FBXW11: variants seen among roughly 807,000 people sequenced by gnomAD.
The protein encoded by FBXW11 is F-box and WD repeat domain containing 11.
Under a neutral mutation model 77.6 loss-of-function variants are expected in FBXW11, and 19 were observed. The observed-to-expected ratio is 0.24, with a 90% CI of 0.17 to 0.36. The LOEUF is 0.36. Ranked by LOEUF, FBXW11 falls within the 10% of genes least tolerant of loss-of-function variation. The probability of loss-of-function intolerance (pLI) is 1.00; values close to 1 mark genes in which losing one functional copy is unlikely to be tolerated. For synonymous variants in FBXW11, 235 were observed against 249.4 expected, an observed-to-expected ratio of 0.94 and a Z score of 0.54; for missense variants, 334 against 704.2, an observed-to-expected ratio of 0.47 and a Z score of 5.95.
At chr5:171,931,347 C>G (rs1168877330) in intron 2 of FBXW11, among the ~76,000 whole-genome samples, 2 of 152,210 alleles carry the variant, frequency 1.3e-5, no homozygotes. Flanking sequence ...GAATACAGAG[C>G]TAGGTCAATG....
intron 7 of FBXW11, among the ~76,000 whole-genome samples, chr5:171,880,856 C>T (rs370131037): frequency 2.0e-5 from 3 of 152,210 alleles, no homozygotes; most frequent in South Asian, 2.1e-4. Flanking sequence ...CCACCACACC[C>T]GGCTAATTTT....
Position 171,876,226 on chromosome 5 carries a change from T to C in FBXW11, c.1221+59A>G. The C allele has an allele frequency of 6.9e-6, 11 of 1,598,444 alleles. No individual in the cohort carries two copies. The highest frequency in any genetic ancestry group is 9.4e-6 in the Non-Finnish European group (11 of 1,170,462). On this transcript the variant is annotated intron_variant, in intron 9 of 13. Transcript: ENST00000517395. This position sits in a 1 kb window ranked among gnomAD's most constrained non-coding sequence, Gnocchi z 4.2. ...CCAGGTTGGTATAAGCCACCTCTGC[T>C]TTGTCTCTGTTCTAAAAGGGACAGG... is the stretch of plus-strand genomic sequence containing the variant.
intron 1 of FBXW11, among the ~76,000 whole-genome samples, chr5:172,002,839 T>C (rs1342513176): frequency 2.0e-5 from 3 of 151,136 alleles, no homozygotes; most frequent in Non-Finnish European, 4.4e-5. Context: ...GCAGGGACTA[T>C]AGGAGTGAAC....
chr5:171,879,901 C>T (rs1027730727), intron 7 of FBXW11, among the ~76,000 whole-genome samples: 2 of 152,120 alleles, frequency 1.3e-5, no homozygotes, highest in African/African-American at 2.4e-5. Context: ...ATTCTCCAGA[C>T]AATGTCTCTC....
intron 7 of FBXW11, among the ~76,000 whole-genome samples, chr5:171,881,852 T>C (rs1758528163): frequency 6.6e-6 from 1 of 152,230 alleles, no homozygotes; most frequent in Non-Finnish European, 1.5e-5. Flanking sequence ...ATTATCAAAT[T>C]TGTAAACAGG....
intron 4 of FBXW11, among the ~76,000 whole-genome samples, chr5:171,905,814 C>G (rs1760475847): frequency 6.6e-6 from 1 of 152,110 alleles, no homozygotes; most frequent in African/African-American, 2.4e-5. Context: ...TAAAACTAAG[C>G]ATTTTCTGAA....
At chr5:171,949,796 T>C (rs1023183341) in intron 2 of FBXW11, among the ~76,000 whole-genome samples, 4 of 152,186 alleles carry the variant, frequency 2.6e-5, no homozygotes, top group African/African-American at 9.7e-5. Flanking sequence ...TTCTGCATTT[T>C]CATCCATCAA....
chr5:171,992,284 C>G (rs538570566), intron 1 of FBXW11, among the ~76,000 whole-genome samples: 4 of 150,656 alleles, frequency 2.7e-5, no homozygotes, highest in Non-Finnish European at 5.9e-5. Context: ...AAAAATTAGC[C>G]GGGTGGGTTG....
intron 4 of FBXW11, among the ~76,000 whole-genome samples, chr5:171,909,928 GAA>G (rs1163089564): frequency 1.3e-5 from 2 of 152,050 alleles, no homozygotes; most frequent in Non-Finnish European, 2.9e-5. Context: ...TGTTTGAAGG[GAA>G]AAGAGTACCA....
At chr5:171,961,467 C>G (rs182082456) in intron 1 of FBXW11, among the ~76,000 whole-genome samples, 136 of 152,316 alleles carry the variant, frequency 8.9e-4, no homozygotes, top group African/African-American at 3.1e-3. Flanking sequence ...CTAGGAAATA[C>G]ACCCACCTTT....
chr5:171,887,080 G>C (rs144358337), intron 7 of FBXW11, among the ~76,000 whole-genome samples: 1 of 152,216 alleles, frequency 6.6e-6, no homozygotes, highest in Non-Finnish European at 1.5e-5. Context: ...TTGGAACTTG[G>C]GAAACACTGG....
At chr5:171,870,969 T>C (rs963227603) in intron 10 of FBXW11, 111 bp from the exon 11 acceptor site, 17 of 676,620 alleles carry the variant, frequency 2.5e-5, no homozygotes, top group African/African-American at 5.4e-5. Context: ...ATCTTGGAGC[T>C]CTTTATTTCT....
At chr5:171,864,697 C>A (rs1757276779) in intron 13 of FBXW11, among the ~76,000 whole-genome samples, 1 of 152,076 alleles carries the variant, frequency 6.6e-6, no homozygotes, top group Admixed American at 6.6e-5. Flanking sequence ...ACTGAATGTT[C>A]CATAATTTTT....
At chr5:171,897,552 T>C (rs971511623) in intron 6 of FBXW11, among the ~76,000 whole-genome samples, 3 of 152,192 alleles carry the variant, frequency 2.0e-5, no homozygotes, top group African/African-American at 7.2e-5. Context: ...TGCCACAGAA[T>C]ACTGAATTCA....
Position 171,957,745 on chromosome 5 carries a change from G to A in FBXW11, c.46-47C>T, listed in dbSNP as rs750951847. The A allele has an allele frequency of 1.2e-5, 18 of 1,504,454 alleles. No individual in the cohort carries two copies. In the South Asian group the frequency reaches 1.2e-4, roughly 10 times the overall value. 93.2% of individuals were successfully genotyped at this position (1,504,454 alleles called of 1,614,324 possible). On this transcript the variant is annotated intron_variant, in intron 1 of 13. Coordinates refer to ENST00000517395, the MANE Select transcript of FBXW11 (RefSeq NM_001378974.1). The stretch of plus-strand genomic sequence containing the variant: ...GGAAGAGAAGAAGCAGTTAGAGGCC[G>A]CAACAAATCACTCCTTCACACAGGC...
chr5:171,944,574 CAA>C lies in FBXW11; in HGVS notation c.147+13021_147+13022del, dbSNP rs34106047. On this transcript the variant is annotated intron_variant, in intron 2 of 13. Transcript: ENST00000517395. Reference sequence around the variant, plus strand: ...CCTGGGCGACAGCGAGACTCCATCTCAAAAAAAAAAAAAAAAAAAACAACTAA... The same window carrying C: ...CCTGGGCGACAGCGAGACTCCATCTCAAAAAAAAAAAAAAAAAACAACTAA... 3.8e-3 allele frequency among the ~76,000 whole-genome samples: 305 copies of C among 80,530 alleles called. 1 individual carries two copies. The highest frequency in any genetic ancestry group is 0.017 in the African/African-American group (295 of 17,306). The allele number at this position is 80,530 out of a possible 152,430, so 52.8% of individuals were successfully genotyped here.
At chr5:171,983,526 A>C (rs1192446147) in intron 1 of FBXW11, among the ~76,000 whole-genome samples, 2 of 152,088 alleles carry the variant, frequency 1.3e-5, no homozygotes, top group Non-Finnish European at 2.9e-5. Flanking sequence ...CCAAGCCCTC[A>C]ATCTGTGGGA....
At chr5:171,897,748 C>T (rs1272068844) in intron 6 of FBXW11, among the ~76,000 whole-genome samples, 1 of 151,742 alleles carries the variant, frequency 6.6e-6, no homozygotes, top group African/African-American at 2.4e-5. Flanking sequence ...TAAATAGTTG[C>T]CCCTCATCAA....
intron 1 of FBXW11, among the ~76,000 whole-genome samples, chr5:171,990,236 T>C (rs1765662104): frequency 6.6e-6 from 1 of 152,162 alleles, no homozygotes; most frequent in Admixed American, 6.6e-5. Flanking sequence ...CAAGAGAGTA[T>C]ATAAATGTTA....
Sources: allele counts gnomAD v4.1 joint callset (sites outside exome capture counted in the v4.1 genomes callset), GRCh38; gene constraint gnomAD v4.1.1; non-coding constraint Gnocchi (gnomAD v3.1); transcripts MANE v1.5; gene names NCBI Gene and HGNC (gene_info 2026-07-23, HGNC 2026-07-21).